The following TUBB3 variants were observed in gnomAD, a reference collection of about 807,000 sequenced individuals.
TUBB3 encodes the protein tubulin beta 3 class III.
A neutral mutation model predicts 37.8 loss-of-function variants in TUBB3; 17 were observed. The ratio of observed to expected loss-of-function variants is 0.45; its 90% CI spans 0.31 to 0.67. The LOEUF (loss-of-function observed/expected upper bound fraction) is 0.67. TUBB3 is among the 30% of genes least tolerant of loss of function. The pLI is 0.07. For synonymous variants in TUBB3, 332 were observed against 278.9 expected (o/e 1.19, Z -1.90); for missense variants, 262 against 657.9 (o/e 0.40, Z 6.58).
intron 1 of TUBB3, chr16:89,931,852 A>G: frequency 2.2e-5 from 9 of 417,036 alleles, no homozygotes; most frequent in South Asian, 3.4e-5. Context: ...CTCTAGGGGG[A>G]GAGAGGTGGA....
Position 89,935,465 on chromosome 16 carries a change from C to T in TUBB3, c.1014C>T (p.Ser338=), listed in dbSNP as rs2151093000. Reference sequence around the variant, plus strand: ...TGCTGGCCATCCAGAGCAAGAACAGCAGCTACTTCGTGGAGTGGATCCCCA... The same window carrying T: ...TGCTGGCCATCCAGAGCAAGAACAGTAGCTACTTCGTGGAGTGGATCCCCA... ...EQMLAIQSKN[S]SYFVEWIPNN... The change falls in exon 4 of 4, where the codon AGC becomes AGT. Residue 338 remains serine (S), a synonymous_variant. Transcript: ENST00000315491. The T allele has an allele frequency of 6.2e-7, 1 of 1,614,254 alleles. No individual in the cohort carries two copies. The highest frequency in any genetic ancestry group is 8.5e-7 in the Non-Finnish European group (1 of 1,180,052).
At chr16:89,923,319 G>C, upstream of TUBB3, 2 of 1,207,746 alleles carry the variant, frequency 1.7e-6, no homozygotes, top group South Asian at 2.0e-5. Flanking sequence ...GGCTATAAGA[G>C]CGCGCGGCCG....
intron 3 of TUBB3, chr16:89,933,907 A>T (rs144932770): frequency 4.7e-6 from 3 of 643,366 alleles, no homozygotes; most frequent in Non-Finnish European, 8.4e-6. Context: ...CGGTCAAGAG[A>T]TCAGGACGTT....
chr16:89,930,339 G>A (rs1488916759), intron 1 of TUBB3, among the ~76,000 whole-genome samples: 2 of 150,944 alleles, frequency 1.3e-5, no homozygotes, highest in East Asian at 2.0e-4. Context: ...TCCTGACCTC[G>A]TGACCCACCC....
Position 89,935,304 on chromosome 16 carries a change from A to T in TUBB3, c.853A>T (p.Thr285Ser). 2 of 1,613,634 alleles carry T rather than the reference A, an allele frequency of 1.2e-6. No individual in the cohort carries two copies. Among genetic ancestry groups the T allele is most frequent in the Non-Finnish European group, 1.7e-6 (2 of 1,179,944 alleles). Residue 285 changes from threonine to serine, a missense_variant, in exon 4 of 4, where the codon ACC becomes TCC. This residue lies in a region of TUBB3 where 165 missense variants were observed against 556.8 expected (regional missense o/e 0.30). Coordinates refer to ENST00000315491, the MANE Select transcript of TUBB3 (RefSeq NM_006086.4). ...ARGSQQYRAL[T>S]VPELTQQMFD... ...GGGCAGCCAGCAGTACCGGGCCCTGACCGTGCCCGAGCTCACCCAGCAGAT... is the reference window on the plus strand; with the variant it reads ...GGGCAGCCAGCAGTACCGGGCCCTGTCCGTGCCCGAGCTCACCCAGCAGAT...
Position 89,935,800 on chromosome 16 carries a change from A to G in TUBB3, c.1349A>G (p.Lys450Arg). 2 of 1,612,690 alleles carry G rather than the reference A, an allele frequency of 1.2e-6. No individual in the cohort carries two copies. Among genetic ancestry groups the G allele is most frequent in the Non-Finnish European group, 8.5e-7 (1 of 1,179,326 alleles). ...DEEESEAQGP[K>R] is the part of the protein sequence containing the mutation. ...GAGGAGTCGGAGGCCCAGGGCCCCA[A>G]GTGAAGCTGCTCGCAGCTGGAGTGA... is the stretch of plus-strand genomic sequence containing the variant. Residue 450 changes from lysine (K) to arginine (R), a missense_variant, in exon 4 of 4, where the codon AAG becomes AGG. Coordinates refer to ENST00000315491, the MANE Select transcript of TUBB3 (RefSeq NM_006086.4).
intron 1 of TUBB3, among the ~76,000 whole-genome samples, chr16:89,925,376 T>C (rs1001631753): frequency 1.3e-5 from 2 of 151,672 alleles, no homozygotes; most frequent in Non-Finnish European, 1.5e-5. Flanking sequence ...AGGATCACTT[T>C]AGCGAAGGAG....
intron 1 of TUBB3, among the ~76,000 whole-genome samples, chr16:89,928,478 C>T (rs1257176659): frequency 3.3e-5 from 5 of 151,544 alleles, no homozygotes; most frequent in Non-Finnish European, 7.4e-5. Context: ...CCTGCCTTAG[C>T]CTCCTGAGTA....
chr16:89,932,541 C>A, intron 1 of TUBB3, 30 bp from the exon 2 acceptor site: 1 of 1,593,006 alleles, frequency 6.3e-7, no homozygotes, highest in Non-Finnish European at 8.6e-7. Flanking sequence ...TGGGCCGGTG[C>A]CGACCCCCCC....
chr16:89,934,266 C>G (rs1353901191), intron 3 of TUBB3: 2 of 462,272 alleles, frequency 4.3e-6, no homozygotes, highest in South Asian at 3.1e-5. Context: ...TGTCCTGGGG[C>G]GGGGCCGTGG....
At chr16:89,927,445 T>A (rs548674579) in intron 1 of TUBB3, among the ~76,000 whole-genome samples, 10 of 152,298 alleles carry the variant, frequency 6.6e-5, no homozygotes, top group Non-Finnish European at 1.3e-4. Context: ...TTATTAATTT[T>A]AACTACAAAA....
chr16:89,932,559 CTTTG>C lies in TUBB3; in HGVS notation c.58-7_58-4del, dbSNP rs773521775. ...GCCGGTGCCGACCCCCCCTCTCCCACTTTGTTTGCAGTTCTGGGAAGTCATCAGT... is the reference window on the plus strand; with the variant it reads ...GCCGGTGCCGACCCCCCCTCTCCCACTTTGCAGTTCTGGGAAGTCATCAGT... On this transcript the variant is annotated splice_region_variant and splice_polypyrimidine_tract_variant and intron_variant, in intron 1 of 3. Transcript: ENST00000315491. 10 of 1,612,970 alleles carry C rather than the reference CTTTG, an allele frequency of 6.2e-6. No homozygotes were observed. Among genetic ancestry groups the C allele is most frequent in the African/African-American group, 1.3e-5 (1 of 75,036 alleles).
intron 2 of TUBB3, chr16:89,933,074 C>T: frequency 2.1e-6 from 1 of 475,592 alleles, no homozygotes; most frequent in Non-Finnish European, 3.9e-6. Flanking sequence ...ACCCACCTGC[C>T]CACATGGACA....
At chr16:89,928,199 C>G (rs1476064471) in intron 1 of TUBB3, among the ~76,000 whole-genome samples, 1 of 152,104 alleles carries the variant, frequency 6.6e-6, no homozygotes, top group Non-Finnish European at 1.5e-5. Flanking sequence ...GGGCTATAGG[C>G]ATGCGTCACC....
chr16:89,924,469 G>A (rs936260711), intron 1 of TUBB3, among the ~76,000 whole-genome samples: 1 of 152,082 alleles, frequency 6.6e-6, no homozygotes, highest in Admixed American at 6.5e-5. Context: ...GGGGATCGGG[G>A]GGGGAGGCTG....
rs141064323 is a variant in TUBB3 at position 89,935,666 on chromosome 16, G to A, written c.1215G>A (p.Glu405=). The change falls in exon 4 of 4, where the codon GAG becomes GAA. Residue 405 remains glutamate (E), a synonymous_variant. Coordinates refer to ENST00000315491, the MANE Select transcript of TUBB3 (RefSeq NM_006086.4). ...GGTACACGGGCGAGGGCATGGACGA[G>A]ATGGAGTTCACCGAGGCCGAGAGCA... ...LHWYTGEGMD[E]MEFTEAESNM... 0.013 allele frequency: 20,550 copies of A among 1,613,834 alleles called. 207 individuals carry two copies. Among genetic ancestry groups the A allele is most frequent in the South Asian group, 0.037 (3,334 of 91,078 alleles).
chr16:89,933,993 C>T (rs2030364587), intron 3 of TUBB3: 1 of 426,312 alleles, frequency 2.3e-6, no homozygotes, highest in African/African-American at 2.4e-5. Flanking sequence ...GCCGTGGATG[C>T]CACGTTCCCA....
chr16:89,926,907 G>A (rs2030109506), intron 1 of TUBB3, among the ~76,000 whole-genome samples: 1 of 151,656 alleles, frequency 6.6e-6, no homozygotes, highest in African/African-American at 2.4e-5. Context: ...ACTAGAGATG[G>A]GGTTTCTCCA....
At chr16:89,932,920 G>T (rs1372871039) in intron 2 of TUBB3, 8 of 565,468 alleles carry the variant, frequency 1.4e-5, no homozygotes, top group East Asian at 1.2e-4. Flanking sequence ...GGGCCTGTGC[G>T]TGTCCAGGGG....
Sources: allele counts gnomAD v4.1 joint callset (sites outside exome capture counted in the v4.1 genomes callset), GRCh38; gene constraint gnomAD v4.1.1; regional missense constraint gnomAD v4.1.1; transcripts MANE v1.5; gene names NCBI Gene and HGNC (gene_info 2026-07-23, HGNC 2026-07-21).